The following NAA11 variants were observed in gnomAD, a reference collection of about 807,000 sequenced individuals.
NAA11 encodes the protein N-alpha-acetyltransferase 11.
NAA11 carries 15 observed loss-of-function variants against 16.1 expected under a neutral mutation model. That is an observed-to-expected ratio of 0.93 (90% CI 0.62 to 1.44). NAA11 has a LOEUF of 1.44. Ranked by LOEUF, NAA11 falls within the 40% of genes most tolerant of loss-of-function variation. The pLI, the probability that NAA11 is intolerant of heterozygous loss-of-function variation, is 0.00. For synonymous variants in NAA11, 122 were observed against 112.4 expected (o/e 1.09, Z -0.54); for missense variants, 298 against 291.3 (o/e 1.02, Z -0.17).
chr4:79,160,507 T>C, the NAA11 span, among the ~76,000 whole-genome samples: 1 of 152,258 alleles, frequency 6.6e-6, no homozygotes, highest in Admixed American at 6.5e-5. Context: ...TTTCTCCACA[T>C]GCTCAACACT....
intron 2 of NAA11, among the ~76,000 whole-genome samples, chr4:79,289,327 G>A (rs1476771341): frequency 6.6e-6 from 1 of 152,218 alleles, no homozygotes; most frequent in Non-Finnish European, 1.5e-5. Flanking sequence ...AGGCAATTGA[G>A]AGAAAAATCT....
chr4:79,172,960 C>T, the NAA11 span, among the ~76,000 whole-genome samples: 2 of 152,118 alleles, frequency 1.3e-5, no homozygotes, highest in African/African-American at 4.8e-5. Flanking sequence ...TTAACCAGAA[C>T]TGCTGTCTCC....
chr4:79,276,109 A>G (rs1722640529), intron 2 of NAA11, among the ~76,000 whole-genome samples: 1 of 152,294 alleles, frequency 6.6e-6, no homozygotes, highest in South Asian at 2.1e-4. Context: ...TATCAGCCAT[A>G]GAAACTGAGG....
chr4:79,196,021 C>T, the NAA11 span: 1 of 152,086 alleles, frequency 6.6e-6, no homozygotes, highest in Admixed American at 6.6e-5. Flanking sequence ...ATACACCTGC[C>T]ATGCCTGTTC....
At chr4:79,253,760 A>G (rs1299988179) in intron 2 of NAA11, among the ~76,000 whole-genome samples, 16 of 152,184 alleles carry the variant, frequency 1.1e-4, no homozygotes, top group Non-Finnish European at 2.1e-4. Context: ...TGAAAGTTTT[A>G]TTATTTTTTT....
At chr4:79,235,879 A>G (rs552049250) in intron 2 of NAA11, among the ~76,000 whole-genome samples, 1 of 151,648 alleles carries the variant, frequency 6.6e-6, no homozygotes, top group East Asian at 2.0e-4. Flanking sequence ...AGAAATAGTA[A>G]CATTTATACA....
At chr4:79,290,241 G>A (rs1420598526) in intron 2 of NAA11, among the ~76,000 whole-genome samples, 1 of 152,092 alleles carries the variant, frequency 6.6e-6, no homozygotes, top group African/African-American at 2.4e-5. Context: ...GGGAGGGTTA[G>A]GATGGGGAGA....
At position 79,325,975 on chromosome 4, in the gene NAA11, G is replaced by C. The variant is rs1578200523; in HGVS notation, c.-98C>G. On this transcript the variant is annotated 5_prime_UTR_variant, in exon 1 of 2. Coordinates refer to ENST00000286794, the MANE Select transcript of NAA11 (RefSeq NM_032693.3). Reference sequence around the variant, plus strand: ...TGTTTGCCTCAGGAATCGAGTCCAGGGGGCTAACACCACCGGGCTGAATCG... The same window carrying C: ...TGTTTGCCTCAGGAATCGAGTCCAGCGGGCTAACACCACCGGGCTGAATCG... 1 of 1,039,810 alleles carries C rather than the reference G, an allele frequency of 9.6e-7. No homozygotes were observed. The highest frequency in any genetic ancestry group is 2.5e-5 in the East Asian group (1 of 39,494). The allele number at this position is 1,039,810 out of a possible 1,614,324, so 64.4% of individuals were successfully genotyped here. A position where few individuals can be genotyped will look rare whatever the true frequency, so the allele number is the denominator to read the frequency against.
chr4:79,190,743 T>C, the NAA11 span, among the ~76,000 whole-genome samples: 1 of 152,154 alleles, frequency 6.6e-6, no homozygotes, highest in Non-Finnish European at 1.5e-5. Flanking sequence ...TACAGGGTTT[T>C]TTTGATACAG....
At chr4:79,299,734 T>A (rs1420922878) in intron 1 of NAA11, among the ~76,000 whole-genome samples, 1 of 152,176 alleles carries the variant, frequency 6.6e-6, no homozygotes, top group Non-Finnish European at 1.5e-5. Flanking sequence ...ATAAAGAATC[T>A]CAAAGGAAGC....
At chr4:79,304,295 G>C (rs1225279665) in intron 1 of NAA11, among the ~76,000 whole-genome samples, 1 of 152,050 alleles carries the variant, frequency 6.6e-6, no homozygotes, top group African/African-American at 2.4e-5. Context: ...ATACAAATTT[G>C]AAGAAAACTG....
intron 2 of NAA11, among the ~76,000 whole-genome samples, chr4:79,267,473 C>A (rs1048960046): frequency 2.6e-5 from 4 of 152,124 alleles, no homozygotes; most frequent in African/African-American, 9.7e-5. Flanking sequence ...TTCTCTACTG[C>A]AAAATGAAGG....
At chr4:79,224,057 T>G (rs2109950704), downstream of NAA11, among the ~76,000 whole-genome samples, 1 of 152,284 alleles carries the variant, frequency 6.6e-6, no homozygotes, top group Non-Finnish European at 1.5e-5. Context: ...CCAATTCTTC[T>G]GCACTTTGAG....
chr4:79,325,002 GCGTGT>G (rs1327656133), intron 1 of NAA11, among the ~76,000 whole-genome samples, 169 bp downstream of exon 1: 1 of 152,092 alleles, frequency 6.6e-6, no homozygotes, highest in Non-Finnish European at 1.5e-5. Flanking sequence ...ACTTCCAATA[GCGTGT>G]AATGAGTCTC....
chr4:79,291,101 T>C (rs953473935), intron 2 of NAA11, among the ~76,000 whole-genome samples: 4 of 152,160 alleles, frequency 2.6e-5, no homozygotes, highest in Admixed American at 6.5e-5. Context: ...TTTCTAGTAG[T>C]ATTAGTTCTT....
At chr4:79,290,185 A>T (rs531730175) in intron 2 of NAA11, among the ~76,000 whole-genome samples, 1 of 152,236 alleles carries the variant, frequency 6.6e-6, no homozygotes, top group Admixed American at 6.5e-5. Flanking sequence ...CCAAAATTGA[A>T]CCAGGAGCCT....
chr4:79,289,050 A>G (rs1723017538), intron 2 of NAA11, among the ~76,000 whole-genome samples: 2 of 152,242 alleles, frequency 1.3e-5, no homozygotes, highest in Admixed American at 6.5e-5. Flanking sequence ...GGACATACAA[A>G]TGGTTTTTAA....
the NAA11 span, among the ~76,000 whole-genome samples, chr4:79,167,268 T>TAG: frequency 8.1e-3 from 935 of 115,814 alleles, 11 homozygotes; most frequent in African/African-American, 0.016. Context: ...TATATATATA[T>TAG]ATAGAGAGAG....
At chr4:79,250,893 A>G (rs1301974680) in intron 2 of NAA11, among the ~76,000 whole-genome samples, 1 of 152,238 alleles carries the variant, frequency 6.6e-6, no homozygotes, top group Admixed American at 6.5e-5. Flanking sequence ...TAATCATTAG[A>G]GAAATGCAAA....
Sources: allele counts gnomAD v4.1 joint callset (sites outside exome capture counted in the v4.1 genomes callset), GRCh38; gene constraint gnomAD v4.1.1; transcripts MANE v1.5; gene names NCBI Gene and HGNC (gene_info 2026-07-23, HGNC 2026-07-21).